Variants in EXOC6B observed in about 807,000 individuals in gnomAD.
EXOC6B encodes the protein exocyst complex component 6B, also known as SEC15 homolog B.
In EXOC6B, 54 loss-of-function variants were observed where a neutral mutation model predicts 113.5. The ratio of observed to expected loss-of-function variants is 0.48; its 90% CI spans 0.38 to 0.60. EXOC6B has a LOEUF of 0.60. EXOC6B is among the 20% of genes least tolerant of loss of function. The pLI, the probability that EXOC6B is intolerant of heterozygous loss-of-function variation, is 0.00. For synonymous variants in EXOC6B, 357 were observed against 339.0 expected (o/e 1.05, Z -0.58); for missense variants, 797 against 977.5 (o/e 0.82, Z 2.46).
chr2:72,570,287 T>G (rs1002323763), intron 7 of EXOC6B, among the ~76,000 whole-genome samples: 1 of 152,202 alleles, frequency 6.6e-6, no homozygotes, highest in Non-Finnish European at 1.5e-5. Context: ...ACCTTGATCT[T>G]GGACAGCCAG....
chr2:72,468,993 A>C (rs915653074), intron 17 of EXOC6B, among the ~76,000 whole-genome samples: 4 of 152,144 alleles, frequency 2.6e-5, no homozygotes, highest in Non-Finnish European at 4.4e-5. Flanking sequence ...CAGCAAGTAC[A>C]CTGCCTCTGT....
chr2:72,211,428 T>C (rs150346378), intron 20 of EXOC6B, among the ~76,000 whole-genome samples: 2 of 152,192 alleles, frequency 1.3e-5, no homozygotes, highest in Non-Finnish European at 2.9e-5. Flanking sequence ...AAGTCTGGTA[T>C]AAGCTCAGGA....
Position 72,401,514 on chromosome 2 carries a change from TACATATATAC to T in EXOC6B, c.1981-21654_1981-21645del, listed in dbSNP as rs1412135963. 4.9e-3 allele frequency among the ~76,000 whole-genome samples: 250 copies of T among 51,380 alleles called. 24 individuals are homozygous for T. Among genetic ancestry groups the T allele is most frequent in the African/African-American group, 0.015 (147 of 9,982 alleles). The allele number at this position is 51,380 out of a possible 152,430, so 33.7% of individuals were successfully genotyped here. A position where few individuals can be genotyped will look rare whatever the true frequency, so the allele number is the denominator to read the frequency against. On this transcript the variant is annotated intron_variant, in intron 18 of 21. Transcript: ENST00000272427. ...ATATACATATATATATATATATATA[TACATATATAC>T]ATATATATATATATATATATGTGTA...
At chr2:72,281,988 T>C (rs994341775) in intron 20 of EXOC6B, among the ~76,000 whole-genome samples, 1 of 152,136 alleles carries the variant, frequency 6.6e-6, no homozygotes, top group African/African-American at 2.4e-5. Flanking sequence ...TGGAACTACA[T>C]ATTTGAATGC....
chr2:72,630,121 T>A (rs1384410419), intron 6 of EXOC6B, among the ~76,000 whole-genome samples: 1 of 152,128 alleles, frequency 6.6e-6, no homozygotes, highest in Non-Finnish European at 1.5e-5. Flanking sequence ...GAGGTAAACA[T>A]TCAGGACTGG....
At chr2:72,304,177 C>A (rs1686695867) in intron 20 of EXOC6B, among the ~76,000 whole-genome samples, 6 of 152,134 alleles carry the variant, frequency 3.9e-5, no homozygotes, top group Admixed American at 3.9e-4. Context: ...GTGTGGTATT[C>A]CACAGTATGA....
intron 17 of EXOC6B, among the ~76,000 whole-genome samples, chr2:72,467,873 C>T (rs546087019): frequency 9.9e-5 from 15 of 152,116 alleles, no homozygotes; most frequent in African/African-American, 2.9e-4. Context: ...CAGGTTCAAG[C>T]GATTCTCCTG....
chr2:72,650,803 G>A (rs1301822584), intron 6 of EXOC6B, among the ~76,000 whole-genome samples: 2 of 151,116 alleles, frequency 1.3e-5, no homozygotes, highest in African/African-American at 4.9e-5. Flanking sequence ...AGGGAATGCA[G>A]AGAAATCAGA....
At chr2:72,408,928 C>A (rs992036153) in intron 18 of EXOC6B, among the ~76,000 whole-genome samples, 9 of 152,162 alleles carry the variant, frequency 5.9e-5, no homozygotes, top group African/African-American at 1.9e-4. Context: ...AGTGAACAGG[C>A]AACCTACAAA....
intron 1 of EXOC6B, among the ~76,000 whole-genome samples, chr2:72,778,120 T>C (rs555038418): frequency 2.6e-5 from 4 of 152,202 alleles, no homozygotes; most frequent in African/African-American, 9.6e-5. Context: ...TGGACTAAAC[T>C]CTCCAATTAA....
chr2:72,822,367 C>T (rs1686630392), intron 1 of EXOC6B, among the ~76,000 whole-genome samples: 1 of 152,146 alleles, frequency 6.6e-6, no homozygotes, highest in Admixed American at 6.5e-5. Flanking sequence ...TGCTAGGCAA[C>T]ACCCTCTTTA....
chr2:72,616,709 C>T (rs987283217), intron 6 of EXOC6B, among the ~76,000 whole-genome samples: 4 of 152,030 alleles, frequency 2.6e-5, no homozygotes, highest in African/African-American at 9.7e-5. Context: ...GAGTCCCTCC[C>T]ACAACACATG....
At chr2:72,708,626 T>C (rs960758005) in intron 6 of EXOC6B, among the ~76,000 whole-genome samples, 1 of 152,204 alleles carries the variant, frequency 6.6e-6, no homozygotes, top group African/African-American at 2.4e-5. Flanking sequence ...TGGAAGGTGA[T>C]AGAATTATTC....
chr2:72,613,107 A>T (rs1242495042), intron 6 of EXOC6B, among the ~76,000 whole-genome samples: 2 of 152,162 alleles, frequency 1.3e-5, no homozygotes, highest in East Asian at 3.9e-4. Flanking sequence ...ATCAGAGTTA[A>T]ATATTTCGAT....
intron 1 of EXOC6B, among the ~76,000 whole-genome samples, chr2:72,809,392 A>G (rs774440582): frequency 6.6e-6 from 1 of 152,212 alleles, no homozygotes; most frequent in Admixed American, 6.5e-5. Context: ...AAAATGACAT[A>G]TCATCCAAAC....
chr2:72,398,542 C>T (rs1692904394), intron 18 of EXOC6B, among the ~76,000 whole-genome samples: 1 of 152,032 alleles, frequency 6.6e-6, no homozygotes, highest in East Asian at 1.9e-4. Flanking sequence ...ATTAAAAATA[C>T]AAAAATTAGC....
chr2:72,500,736 A>ATG (rs1414687877), intron 11 of EXOC6B, among the ~76,000 whole-genome samples: 1 of 152,184 alleles, frequency 6.6e-6, no homozygotes, highest in Non-Finnish European at 1.5e-5. Flanking sequence ...GGATACAAAG[A>ATG]TGTGTATGTC....
chr2:72,316,115 G>A (rs956975128), intron 20 of EXOC6B, among the ~76,000 whole-genome samples: 2 of 152,130 alleles, frequency 1.3e-5, no homozygotes, highest in African/African-American at 4.8e-5. Flanking sequence ...ACATAACAAG[G>A]ATGAAATTCT....
At chr2:72,349,965 G>A (rs1689557310) in intron 19 of EXOC6B, among the ~76,000 whole-genome samples, 1 of 152,120 alleles carries the variant, frequency 6.6e-6, no homozygotes, top group Admixed American at 6.5e-5. Context: ...AGATTGAATT[G>A]TAGGATACTC....
Sources: gnomAD v4.1 joint callset for allele counts (sites outside exome capture counted in the v4.1 genomes callset) on GRCh38, gnomAD v4.1.1 for gene constraint, MANE v1.5 for transcripts, NCBI Gene and HGNC (gene_info 2026-07-23, HGNC 2026-07-21) for gene names.